Variants in POLE observed in about 807,000 individuals in gnomAD.
POLE encodes DNA polymerase epsilon, catalytic subunit.
POLE carries 188 observed loss-of-function variants against 279.2 expected under a neutral mutation model. That is an observed-to-expected ratio of 0.67 (90% CI 0.60 to 0.76). POLE has a LOEUF of 0.76. Among genes scored for constraint, POLE ranks in the 30% least tolerant of loss-of-function variants. The probability of loss-of-function intolerance (pLI) is 0.00; values close to 1 mark genes in which losing one functional copy is unlikely to be tolerated. For synonymous variants in POLE, 1,214 were observed against 1,172.5 expected (o/e 1.04, Z -0.72); for missense variants, 2,703 against 3,016.7 (o/e 0.90, Z 2.44).
chr12:132,656,365 CTTTT>C (rs56112203), intron 29 of POLE, among the ~76,000 whole-genome samples: 1 of 145,768 alleles, frequency 6.9e-6, no homozygotes, highest in Non-Finnish European at 1.5e-5. Flanking sequence ...GAACCTTTTT[CTTTT>C]TTTTTTTTTG....
rs755423417 is a variant in POLE, at chr12:132,663,991, G to T, written c.2706+13C>A. On this transcript the variant is annotated intron_variant, in intron 23 of 48. Coordinates refer to ENST00000320574, the MANE Select transcript of POLE (RefSeq NM_006231.4). ...GCCAGCCAGAGCTTCAGGACCAGAG[G>T]CCCCAGACTCACCTTGACCATGATG... 3.1e-6 allele frequency: 5 copies of T among 1,613,462 alleles called. No individual in the cohort carries two copies. The Admixed American group carries it at 8.3e-5, about 27-fold the overall frequency.
At chr12:132,632,832 G>A in intron 43 of POLE, 37 bp from the exon 44 acceptor site, 1 of 1,558,378 alleles carries the variant, frequency 6.4e-7, no homozygotes, top group Non-Finnish European at 8.7e-7. Flanking sequence ...CCCTGAGTCG[G>A]GCTGCTGCAA....
At position 132,676,582 on chromosome 12, in the gene POLE, G is replaced by C. The variant is rs2136015722; in HGVS notation, c.873C>G (p.Asp291Glu). ...LPLKFPDAET[D>E]QIMMISYMID... is the part of the protein sequence containing the mutation. The stretch of plus-strand genomic sequence containing the variant: ...TCATGTAGGAAATCATCATAATCTG[G>C]TCTGTCTCAGCATCAGGAAACTTGA... The change falls in exon 9 of 49, where the codon GAC (aspartate) becomes GAG (glutamate). Residue 291 changes from aspartate (D) to glutamate (E), a missense_variant. Physicochemically the swap from Asp to Glu is conservative, Grantham distance 45 (BLOSUM62 2). Coordinates refer to ENST00000320574, the MANE Select transcript of POLE (RefSeq NM_006231.4). The C allele has an allele frequency of 6.2e-7, 1 of 1,613,838 alleles. No individual in the cohort carries two copies. Among genetic ancestry groups the C allele is most frequent in the Admixed American group, 1.7e-5 (1 of 60,016 alleles).
At chr12:132,650,196 C>T (rs2042391713) in intron 29 of POLE, 1 of 345,394 alleles carries the variant, frequency 2.9e-6, no homozygotes, top group East Asian at 5.3e-5. Flanking sequence ...GCAAGTGAGA[C>T]CTTGCCTCAT....
chr12:132,659,881 AG>A (rs1202454319), intron 25 of POLE: 3 of 231,382 alleles, frequency 1.3e-5, no homozygotes, highest in Non-Finnish European at 2.6e-5. Context: ...TAGTAGAGAA[AG>A]GGTTTTGCCA....
intron 23 of POLE, among the ~76,000 whole-genome samples, chr12:132,663,028 G>A (rs938445094): frequency 2.0e-5 from 3 of 152,238 alleles, no homozygotes; most frequent in Non-Finnish European, 2.9e-5. Context: ...AACCTCAGGC[G>A]TAACTGCTGC....
In POLE at chr12:132,632,749, G is replaced by A. The variant is rs1279337096; in HGVS notation, c.6051C>T (p.Arg2017=). ...TCACGGGGGTGCTCCCTGGAGCACTGCGCCTCAGCCCGTCCTTCATGCAGT... is the reference window on the plus strand; with the variant it reads ...TCACGGGGGTGCTCCCTGGAGCACTACGCCTCAGCCCGTCCTTCATGCAGT... ...VYHCMKDGLR[R]SAPGSTPVRR... The change falls in exon 44 of 49, where the codon CGC becomes CGT. Residue 2017 remains arginine, a synonymous_variant. Transcript: ENST00000320574. 2.5e-6 allele frequency: 4 copies of A among 1,612,826 alleles called. No individual in the cohort carries two copies. Among genetic ancestry groups the A allele is most frequent in the South Asian group, 1.1e-5 (1 of 91,070 alleles).
At chr12:132,657,105 G>A (rs747683493) in intron 29 of POLE, 31 bp downstream of exon 29, 9 of 1,611,280 alleles carry the variant, frequency 5.6e-6, no homozygotes, top group Admixed American at 3.3e-5. Context: ...CAAGGATCCC[G>A]CCCAGCCCAG....
chr12:132,686,801 G>C (rs1173488081), intron 1 of POLE, among the ~76,000 whole-genome samples: 1 of 152,116 alleles, frequency 6.6e-6, no homozygotes, highest in Non-Finnish European at 1.5e-5. Context: ...ACAGGATCCT[G>C]GGCTCCAGCG....
intron 29 of POLE, chr12:132,650,744 G>A (rs567589963): frequency 6.6e-6 from 1 of 152,224 alleles, no homozygotes; most frequent in Non-Finnish European, 1.5e-5. Context: ...CAAATAATGG[G>A]TACAGCCCTC....
rs759793243 is a variant in POLE, at chr12:132,649,388, C to T, written c.3923G>A (p.Arg1308Gln). Residue 1308 changes from arginine to glutamine, a missense_variant, in exon 31 of 49, where the codon CGG becomes CAG. By Grantham distance (43) the Arg-to-Gln change is conservative (BLOSUM62 1). Transcript: ENST00000320574. ...AEGVLRPGAI[R>Q]DGPATGLGSF... Reference sequence around the variant, plus strand: ...CCCCAGCCCCGTGGCAGGACCATCCCGGATGGCCCCGGGCCTGAGCACACC... The same window carrying T: ...CCCCAGCCCCGTGGCAGGACCATCCTGGATGGCCCCGGGCCTGAGCACACC... 1.9e-5 allele frequency: 30 copies of T among 1,613,236 alleles called. No individual in the cohort carries two copies. Among genetic ancestry groups the T allele is most frequent in the Middle Eastern group, 3.3e-4 (2 of 6,082 alleles).
At position 132,624,489 on chromosome 12, in the gene POLE, C is replaced by A; in HGVS notation, c.*208G>T. The A allele has an allele frequency of 1.7e-6, 1 of 597,126 alleles. No homozygotes were observed. The highest frequency in any genetic ancestry group is 3.0e-6 in the Non-Finnish European group (1 of 334,504). 37.0% of individuals were successfully genotyped at this position (597,126 alleles called of 1,614,324 possible). ...TGCTTCTTCAGGTGCTCTGGCGAGG[C>A]CAGGGCCACATCCTGCTCCCGCTCC... On this transcript the variant is annotated 3_prime_UTR_variant, in exon 49 of 49. Coordinates refer to ENST00000320574, the MANE Select transcript of POLE (RefSeq NM_006231.4).
chr12:132,676,466 T>C, intron 9 of POLE, 80 bp downstream of exon 9: 1 of 927,212 alleles, frequency 1.1e-6, no homozygotes, highest in Non-Finnish European at 1.8e-6. Flanking sequence ...ATACTAACAG[T>C]GGGGCAGATG....
In POLE at chr12:132,673,646, C is replaced by G. The variant is rs140566004; in HGVS notation, c.1288G>C (p.Ala430Pro). 1 of 1,614,000 alleles carries G rather than the reference C, an allele frequency of 6.2e-7. No individual in the cohort carries two copies. ...TCCACGGGATCATAGCCTAGCTTGG[C>G]CTTGGCGGCCGCCTTGAGATTATGA... ...GSHNLKAAAK[A>P]KLGYDPVELD... is the part of the protein sequence containing the mutation. Residue 430 changes from alanine to proline, a missense_variant, in exon 13 of 49, where the codon GCC becomes CCC. Ala to Pro is a conservative substitution (Grantham distance 27, BLOSUM62 -1). This residue lies in a region of POLE where 1,011 missense variants were observed against 1,111.7 expected (regional missense o/e 0.91). Coordinates refer to ENST00000320574, the MANE Select transcript of POLE (RefSeq NM_006231.4).
chr12:132,675,390 G>A lies in POLE; in HGVS notation c.1226+8C>T, dbSNP rs1593076626. On this transcript the variant is annotated splice_region_variant and intron_variant, in intron 12 of 48. Coordinates refer to ENST00000320574, the MANE Select transcript of POLE (RefSeq NM_006231.4). This position sits in a 1 kb window ranked among gnomAD's most constrained non-coding sequence, Gnocchi z 4.3. The stretch of plus-strand genomic sequence containing the variant: ...CAGTGAGGAGCCATGCTGCTCTGTG[G>A]CCCCTACCTGAGGCAGTCCATGTGG... 1.2e-6 allele frequency: 2 copies of A among 1,613,536 alleles called. No homozygotes were observed. The highest frequency in any genetic ancestry group is 1.3e-5 in the African/African-American group (1 of 74,928).
rs764549320 is a variant in POLE, at chr12:132,632,840, C to T, written c.6005-45G>A. On this transcript the variant is annotated intron_variant, in intron 43 of 48. Transcript: ENST00000320574. ...CCACAGGCCCTGAGTCGGGCTGCTGCAAACACCCTAGAATCTGAGGGGACC... is the reference window on the plus strand; with the variant it reads ...CCACAGGCCCTGAGTCGGGCTGCTGTAAACACCCTAGAATCTGAGGGGACC... 8.4e-6 allele frequency: 13 copies of T among 1,550,792 alleles called. No homozygotes were observed. In the South Asian group the frequency reaches 1.3e-4, roughly 16 times the overall value.
chr12:132,648,777 G>A lies in POLE; in HGVS notation c.4149+152C>T, dbSNP rs5744905. 4,218 of 788,294 alleles carry A rather than the reference G, an allele frequency of 5.4e-3. 101 individuals carry two copies. The African/African-American group carries it at 0.058, about 11-fold the overall frequency. 48.8% of individuals were successfully genotyped at this position (788,294 alleles called of 1,614,324 possible). The stretch of plus-strand genomic sequence containing the variant: ...CCGGCACTCGCTCTGCCCCAGGCTC[G>A]GTGCTCAGCGCTCACACACGTTGTT... On this transcript the variant is annotated intron_variant, in intron 32 of 48. Transcript: ENST00000320574.
chr12:132,652,435 C>T (rs1438893714), intron 29 of POLE, among the ~76,000 whole-genome samples: 1 of 151,622 alleles, frequency 6.6e-6, no homozygotes, highest in African/African-American at 2.4e-5. Flanking sequence ...GATCCTCCCA[C>T]CTCAGCCTCC....
intron 1 of POLE, among the ~76,000 whole-genome samples, chr12:132,682,682 T>C (rs1391282563): frequency 1.3e-5 from 2 of 152,074 alleles, no homozygotes; most frequent in African/African-American, 4.8e-5. Flanking sequence ...CCAGGCGCAG[T>C]GGCTCACAAC....
Sources: gnomAD v4.1 joint callset for allele counts (sites outside exome capture counted in the v4.1 genomes callset) on GRCh38, gnomAD v4.1.1 for gene constraint, gnomAD v4.1.1 regional missense constraint, Gnocchi (gnomAD v3.1) non-coding constraint, MANE v1.5 for transcripts, NCBI Gene and HGNC (gene_info 2026-07-23, HGNC 2026-07-21) for gene names.